MXI1: variants seen among roughly 807,000 people sequenced by gnomAD.
The protein encoded by MXI1 is max-interacting protein 1.
Under a neutral mutation model 36.9 loss-of-function variants are expected in MXI1, and 18 were observed. That is an observed-to-expected ratio of 0.49 (90% CI 0.34 to 0.72). The LOEUF (loss-of-function observed/expected upper bound fraction) is 0.72, where lower values mean the gene tolerates loss of function less well. Among genes scored for constraint, MXI1 ranks in the 30% least tolerant of loss-of-function variants. The pLI, the probability that MXI1 is intolerant of heterozygous loss-of-function variation, is 0.01. For missense variants in MXI1, 304 were observed against 379.1 expected (o/e 0.80, Z 1.64); for synonymous variants, 160 against 146.7 (o/e 1.09, Z -0.65).
intron 3 of MXI1, among the ~76,000 whole-genome samples, chr10:110,253,028 T>C (rs1050388127): frequency 5.9e-5 from 9 of 152,032 alleles, no homozygotes; most frequent in Non-Finnish European, 1.0e-4. Flanking sequence ...AAGATAAGGA[T>C]AGGTAATTTT....
chr10:110,279,418 A>G (rs1182107583), intron 4 of MXI1, 124 bp downstream of exon 4: 4 of 772,568 alleles, frequency 5.2e-6, no homozygotes, highest in Non-Finnish European at 8.4e-6. Flanking sequence ...CCTCAAGAGA[A>G]GTCTTTCTAA....
intron 3 of MXI1, among the ~76,000 whole-genome samples, chr10:110,268,240 C>T (rs2134445122): frequency 6.6e-6 from 1 of 152,294 alleles, no homozygotes; most frequent in African/African-American, 2.4e-5. Flanking sequence ...GGCTGTTCTC[C>T]TGAGCTATTG....
At chr10:110,214,181 CAGAGA>C (rs1854573254) in intron 1 of MXI1, among the ~76,000 whole-genome samples, 1 of 152,170 alleles carries the variant, frequency 6.6e-6, no homozygotes, top group African/African-American at 2.4e-5. Context: ...GAATGAAGTC[CAGAGA>C]AGTGAAATGA....
intron 3 of MXI1, among the ~76,000 whole-genome samples, chr10:110,266,321 G>T (rs1856677331): frequency 6.6e-6 from 1 of 152,054 alleles, no homozygotes; most frequent in African/African-American, 2.4e-5. Flanking sequence ...TGCTGGCCAG[G>T]CTAGTCTCGA....
At chr10:110,244,939 C>T in intron 3 of MXI1, 82 bp downstream of exon 3, 1 of 1,337,890 alleles carries the variant, frequency 7.5e-7, no homozygotes, top group Non-Finnish European at 1.0e-6. Flanking sequence ...TGTAATAGTG[C>T]ATATGTAGTT....
chr10:110,211,122 G>A (rs1355085181), intron 1 of MXI1, among the ~76,000 whole-genome samples: 3 of 148,570 alleles, frequency 2.0e-5, no homozygotes, highest in Non-Finnish European at 3.0e-5. Flanking sequence ...ATCGTTGGCC[G>A]ACTCAGGTGC....
At chr10:110,228,024 GA>G (rs1855121802) in intron 1 of MXI1, 164 bp from the exon 2 acceptor site, 2 of 696,890 alleles carry the variant, frequency 2.9e-6, no homozygotes, top group South Asian at 3.7e-5. Flanking sequence ...TCACAGGATT[GA>G]TGTCCAGGCG....
intron 1 of MXI1, among the ~76,000 whole-genome samples, chr10:110,216,665 G>GTTTTTTTTTTTTTTGTTTTTTT (rs1854646517): frequency 2.5e-5 from 2 of 79,060 alleles, no homozygotes; most frequent in African/African-American, 1.6e-4. Flanking sequence ...TGTGTTTAAT[G>GTTTTTTTTTTTTTTGTTTTTTT]TTTTTTTTTT....
rs1355953059 is a variant in MXI1 at position 110,227,499 on chromosome 10, A to G, written c.275-690A>G. On this transcript the variant is annotated intron_variant, in intron 1 of 5. Coordinates refer to ENST00000332674, the MANE Select transcript of MXI1 (RefSeq NM_130439.3). ...GAGAGGGCGGTCTGGGGCTGGAGAG[A>G]GGGTGACCGTGGAGAAGCTTGGAGG... The G allele has an allele frequency of 5.1e-6, 5 of 977,522 alleles. No homozygotes were observed. In the African/African-American group the frequency reaches 9.3e-5, roughly 18 times the overall value. The allele number at this position is 977,522 out of a possible 1,614,324, so 60.6% of individuals were successfully genotyped here.
intron 3 of MXI1, among the ~76,000 whole-genome samples, chr10:110,277,311 C>G (rs1451978633): frequency 6.6e-6 from 1 of 152,148 alleles, no homozygotes; most frequent in Admixed American, 6.6e-5. Flanking sequence ...GCAGGATTGT[C>G]TATTAGTGTA....
intron 2 of MXI1, among the ~76,000 whole-genome samples, chr10:110,232,666 A>G (rs939177673): frequency 6.6e-6 from 1 of 152,170 alleles, no homozygotes; most frequent in African/African-American, 2.4e-5. Flanking sequence ...TGTGTTTCTT[A>G]AAGAATGGAA....
intron 3 of MXI1, among the ~76,000 whole-genome samples, chr10:110,250,115 A>G (rs1033839769): frequency 1.3e-5 from 2 of 152,118 alleles, no homozygotes; most frequent in African/African-American, 4.8e-5. Flanking sequence ...AGGGAGCTCT[A>G]GGTAGTTTCA....
intron 5 of MXI1, among the ~76,000 whole-genome samples, chr10:110,281,344 A>G (rs1371748542): frequency 6.6e-6 from 1 of 152,192 alleles, no homozygotes; most frequent in Non-Finnish European, 1.5e-5. Context: ...ATAATACCCC[A>G]CAAAATTAAT....
At chr10:110,233,287 A>G (rs983136019) in intron 2 of MXI1, among the ~76,000 whole-genome samples, 2 of 152,120 alleles carry the variant, frequency 1.3e-5, no homozygotes, top group East Asian at 1.9e-4. Context: ...AGATAGAATT[A>G]TTGTATTGTT....
At chr10:110,278,811 G>C (rs1416239755) in intron 3 of MXI1, among the ~76,000 whole-genome samples, 1 of 152,028 alleles carries the variant, frequency 6.6e-6, no homozygotes. Flanking sequence ...GGGTACCATA[G>C]CTGAAAACCT....
intron 2 of MXI1, among the ~76,000 whole-genome samples, chr10:110,242,056 C>A (rs780866714): frequency 1.3e-5 from 2 of 151,918 alleles, no homozygotes; most frequent in Non-Finnish European, 2.9e-5. Context: ...GCTGGTTTTG[C>A]TTTGGACTTC....
At chr10:110,279,031 C>G (rs1341557412) in intron 3 of MXI1, 149 bp from the exon 4 acceptor site, 1 of 603,474 alleles carries the variant, frequency 1.7e-6, no homozygotes, top group East Asian at 2.8e-5. Context: ...TGCGGCCACC[C>G]CTACATTCTT....
At chr10:110,235,581 G>A (rs1293073197) in intron 2 of MXI1, among the ~76,000 whole-genome samples, 6 of 151,662 alleles carry the variant, frequency 4.0e-5, no homozygotes, top group African/African-American at 7.3e-5. Context: ...CCAGCTACTC[G>A]GGAGGCTGAG....
intron 1 of MXI1, among the ~76,000 whole-genome samples, chr10:110,212,551 C>T (rs2134323737): frequency 6.6e-6 from 1 of 152,318 alleles, no homozygotes; most frequent in East Asian, 1.9e-4. Context: ...TATTTCAGCC[C>T]ATTTGGCTCT....
Sources: allele counts gnomAD v4.1 joint callset (sites outside exome capture counted in the v4.1 genomes callset), GRCh38; gene constraint gnomAD v4.1.1; transcripts MANE v1.5; gene names NCBI Gene and HGNC (gene_info 2026-07-23, HGNC 2026-07-21).